MRPS35: variants seen among roughly 807,000 people sequenced by gnomAD.
MRPS35 encodes small ribosomal subunit protein mS35.
MRPS35 carries 29 observed loss-of-function variants against 32.7 expected under a neutral mutation model. The ratio of observed to expected loss-of-function variants is 0.89; its 90% CI spans 0.66 to 1.21. The LOEUF is 1.21. MRPS35 is among the 50% of genes most tolerant of loss of function. MRPS35 has a pLI of 0.00. For missense variants in MRPS35, 373 were observed against 383.8 expected, an observed-to-expected ratio of 0.97 and a Z score of 0.23; for synonymous variants, 148 against 139.3, an observed-to-expected ratio of 1.06 and a Z score of -0.44.
At chr12:27,754,765 CAAAA>C (rs149548847) in intron 7 of MRPS35, among the ~76,000 whole-genome samples, 47 of 103,518 alleles carry the variant, frequency 4.5e-4, no homozygotes, top group Non-Finnish European at 5.6e-4. Context: ...AGACCCATCT[CAAAA>C]AAAAAAAAAA....
At chr12:27,731,736 T>A (rs1292930569) in intron 5 of MRPS35, among the ~76,000 whole-genome samples, 1 of 152,090 alleles carries the variant, frequency 6.6e-6, no homozygotes, top group Non-Finnish European at 1.5e-5. Flanking sequence ...ACCCAGCTAA[T>A]TTTTGTATTT....
At chr12:27,741,882 G>A (rs1230587361) in intron 7 of MRPS35, among the ~76,000 whole-genome samples, 3 of 152,008 alleles carry the variant, frequency 2.0e-5, no homozygotes, top group African/African-American at 4.8e-5. Context: ...TTAAAATTTC[G>A]GCTGTCTTAT....
At chr12:27,739,948 A>G (rs772454710) in intron 7 of MRPS35, among the ~76,000 whole-genome samples, 1 of 152,236 alleles carries the variant, frequency 6.6e-6, no homozygotes, top group Non-Finnish European at 1.5e-5. Context: ...TGATGCCAGG[A>G]TAAGTAGCCA....
intron 5 of MRPS35, among the ~76,000 whole-genome samples, chr12:27,724,742 C>T (rs544666303): frequency 1.3e-5 from 2 of 148,450 alleles, no homozygotes; most frequent in Middle Eastern, 3.2e-3. Context: ...GATTCCATCT[C>T]GGAAAAAAAA....
At chr12:27,724,279 C>G in intron 5 of MRPS35, 93 bp downstream of exon 5, 1 of 1,194,916 alleles carries the variant, frequency 8.4e-7, no homozygotes. Context: ...TGGCTCATGC[C>G]TGTAATCCCA....
In MRPS35 at chr12:27,755,505, GTATC is replaced by G; in HGVS notation, c.*58_*61del. 1 of 1,371,076 alleles carries G rather than the reference GTATC, an allele frequency of 7.3e-7. No individual in the cohort carries two copies. The highest frequency in any genetic ancestry group is 9.7e-7 in the Non-Finnish European group (1 of 1,035,392). 84.9% of individuals were successfully genotyped at this position (1,371,076 alleles called of 1,614,324 possible). ...ATTAATTTTATGATATATGTGATCA[GTATC>G]TAATTTGATATAAAATTGAAAATGT... On this transcript the variant is annotated 3_prime_UTR_variant, in exon 8 of 8. Coordinates refer to ENST00000081029, the MANE Select transcript of MRPS35 (RefSeq NM_021821.4).
rs1274157568 is a variant in MRPS35 at position 27,722,034 on chromosome 12, A to T, written c.383-2013A>T. Among the ~76,000 whole-genome samples, 3 of 152,236 alleles carry T rather than the reference A, an allele frequency of 2.0e-5. No homozygotes were observed. The East Asian group carries it at 5.8e-4, about 29-fold the overall frequency. ...GACCCTGTCGCAAAAAAACATAAAA[A>T]TAAAAAAGTTTAAAAAAATTAAATG... On this transcript the variant is annotated intron_variant, in intron 4 of 7. Transcript: ENST00000081029.
intron 7 of MRPS35, among the ~76,000 whole-genome samples, chr12:27,741,256 T>C (rs1330833655): frequency 1.3e-5 from 2 of 152,156 alleles, no homozygotes; most frequent in Non-Finnish European, 2.9e-5. Context: ...ATTGTTAGCA[T>C]TGGAATGAAT....
intron 7 of MRPS35, among the ~76,000 whole-genome samples, chr12:27,743,267 C>T (rs946832305): frequency 2.6e-5 from 4 of 152,012 alleles, no homozygotes; most frequent in African/African-American, 9.7e-5. Context: ...GTGGCTCACA[C>T]CTGTAATCCT....
chr12:27,715,814 C>T (rs1320256746), intron 2 of MRPS35, among the ~76,000 whole-genome samples: 1 of 152,148 alleles, frequency 6.6e-6, no homozygotes, highest in Non-Finnish European at 1.5e-5. Flanking sequence ...ACTAGTTTTT[C>T]TCTGGGCCTA....
chr12:27,748,096 C>G (rs1472349885), intron 7 of MRPS35, among the ~76,000 whole-genome samples: 1 of 152,200 alleles, frequency 6.6e-6, no homozygotes, highest in South Asian at 2.1e-4. Flanking sequence ...TTTTCAGCCT[C>G]AGCCCATGCC....
intron 4 of MRPS35, among the ~76,000 whole-genome samples, chr12:27,721,581 A>G (rs534359152): frequency 2.6e-5 from 4 of 152,288 alleles, no homozygotes; most frequent in African/African-American, 9.6e-5. Context: ...ATTGGAACCC[A>G]GGAGATTGAG....
At chr12:27,753,226 G>A (rs1390741890) in intron 7 of MRPS35, among the ~76,000 whole-genome samples, 1 of 152,100 alleles carries the variant, frequency 6.6e-6, no homozygotes, top group African/African-American at 2.4e-5. Context: ...TGGGGGCCAG[G>A]GAAGACATCC....
At chr12:27,743,136 C>T (rs915602906) in intron 7 of MRPS35, among the ~76,000 whole-genome samples, 2 of 151,970 alleles carry the variant, frequency 1.3e-5, no homozygotes, top group Admixed American at 6.6e-5. Flanking sequence ...GCTGGAATTA[C>T]AAGTGTGAGC....
At chr12:27,750,350 C>T (rs1447474905) in intron 7 of MRPS35, among the ~76,000 whole-genome samples, 2 of 152,016 alleles carry the variant, frequency 1.3e-5, no homozygotes, top group Non-Finnish European at 2.9e-5. Flanking sequence ...AAAATCTATC[C>T]CAGTAAATCT....
rs118048580 is a variant in MRPS35 at position 27,717,901 on chromosome 12, A to G, written c.321+1443A>G. The stretch of plus-strand genomic sequence containing the variant: ...ATGCAAAGTGCATAGAACTGTGCCT[A>G]TGTAAGTCCATGCAAATTGTCTATT... On this transcript the variant is annotated intron_variant, in intron 3 of 7. Coordinates refer to ENST00000081029, the MANE Select transcript of MRPS35 (RefSeq NM_021821.4). Among the ~76,000 whole-genome samples, 1,242 of 152,348 alleles carry G rather than the reference A, an allele frequency of 8.2e-3. 12 individuals carry two copies. The highest frequency in any genetic ancestry group is 0.017 in the South Asian group (80 of 4,824).
intron 6 of MRPS35, among the ~76,000 whole-genome samples, chr12:27,736,053 T>A (rs1171857567): frequency 6.6e-6 from 1 of 152,208 alleles, no homozygotes; most frequent in Non-Finnish European, 1.5e-5. Context: ...ATTGCGTCAT[T>A]TTTTATTTGA....
intron 5 of MRPS35, among the ~76,000 whole-genome samples, chr12:27,729,406 C>A (rs370598394): frequency 2.0e-5 from 3 of 152,062 alleles, no homozygotes; most frequent in African/African-American, 7.3e-5. Flanking sequence ...TTTAATTCCC[C>A]TTTTCAAGTA....
chr12:27,735,508 G>T lies in MRPS35; in HGVS notation c.584G>T (p.Gly195Val), dbSNP rs2061940076. ...HAKKKLIKLV[G>V]ERYCKTTDVL... ...AAGAAGAAATTAATTAAACTTGTAG[G>T]AGAGCGATACTGCAAGACCACAGAT... The change falls in exon 6 of 8, where the codon GGA becomes GTA. Residue 195 changes from glycine (G) to valine (V), a missense_variant. Coordinates refer to ENST00000081029, the MANE Select transcript of MRPS35 (RefSeq NM_021821.4). 6 of 1,612,432 alleles carry T rather than the reference G, an allele frequency of 3.7e-6. No homozygotes were observed. In the East Asian group the frequency reaches 1.3e-4, roughly 36 times the overall value.
Sources: gnomAD v4.1 joint callset for allele counts (sites outside exome capture counted in the v4.1 genomes callset) on GRCh38, gnomAD v4.1.1 for gene constraint, MANE v1.5 for transcripts, NCBI Gene and HGNC (gene_info 2026-07-23, HGNC 2026-07-21) for gene names.